Variants in ERG observed in about 807,000 individuals in gnomAD.
ERG encodes the protein ETS transcription factor ERG.
In ERG, 9 loss-of-function variants were observed where a neutral mutation model predicts 55.3. That is an observed-to-expected ratio of 0.16 (90% CI 0.10 to 0.28). ERG has a LOEUF of 0.28. Among genes scored for constraint, ERG ranks in the 10% least tolerant of loss-of-function variants. The pLI is 1.00. For missense variants in ERG, 434 were observed against 631.6 expected (o/e 0.69, Z 3.35); for synonymous variants, 223 against 237.3 (o/e 0.94, Z 0.55).
At chr21:38,504,819 A>G (rs1913512690) in intron 2 of ERG, among the ~76,000 whole-genome samples, 1 of 152,226 alleles carries the variant, frequency 6.6e-6, no homozygotes, top group African/African-American at 2.4e-5. Flanking sequence ...TTTTGATTCT[A>G]GTCAGAGTTT....
At chr21:38,414,466 C>T (rs1187598656) in intron 3 of ERG, among the ~76,000 whole-genome samples, 1 of 152,190 alleles carries the variant, frequency 6.6e-6, no homozygotes, top group Non-Finnish European at 1.5e-5. Context: ...TATCTTGAGT[C>T]CCCAGGGCAC....
intron 1 of ERG, among the ~76,000 whole-genome samples, chr21:38,613,325 CAT>C (rs1195678870): frequency 6.6e-6 from 1 of 152,196 alleles, no homozygotes; most frequent in Non-Finnish European, 1.5e-5. Context: ...CTACAGTTGA[CAT>C]GTGTCTTCTA....
intron 9 of ERG, among the ~76,000 whole-genome samples, chr21:38,387,739 G>A (rs1314586338): frequency 6.6e-6 from 1 of 152,328 alleles, no homozygotes; most frequent in Non-Finnish European, 1.5e-5. Context: ...AGCTTGAAAC[G>A]GTGCTATTCT....
At chr21:38,436,899 C>CTT (rs11421601) in intron 2 of ERG, among the ~76,000 whole-genome samples, 2,803 of 142,348 alleles carry the variant, frequency 0.02, 86 homozygotes, top group African/African-American at 0.064. Flanking sequence ...TTCTTTCTCT[C>CTT]TTTTTTTTTT....
upstream of ERG, chr21:38,498,589 G>T: frequency 9.9e-7 from 1 of 1,009,448 alleles, no homozygotes; most frequent in Non-Finnish European, 1.3e-6. The surrounding 1 kb of genome is among the most constrained non-coding windows in gnomAD (Gnocchi z 4.6). Context: ...AGAGATAAGA[G>T]ACCCTGAAAA....
At position 38,390,672 on chromosome 21, in the gene ERG, C is replaced by A. The variant is rs796133421; in HGVS notation, c.919+323G>T. 2.6e-5 allele frequency among the ~76,000 whole-genome samples: 4 copies of A among 152,194 alleles called. No homozygotes were observed. In the South Asian group the frequency reaches 8.3e-4, roughly 32 times the overall value. Reference sequence around the variant, plus strand: ...CCTGAGAAGGAACGAAACCTGCCACCATGACACTCTGATTTCAGACTTCCA... The same window carrying A: ...CCTGAGAAGGAACGAAACCTGCCACAATGACACTCTGATTTCAGACTTCCA... On this transcript the variant is annotated intron_variant, in intron 9 of 9. Coordinates refer to ENST00000288319, the MANE Select transcript of ERG (RefSeq NM_182918.4).
intron 6 of ERG, 69 bp from the exon 7 acceptor site, chr21:38,392,513 A>G (rs759802854): frequency 6.6e-5 from 77 of 1,174,910 alleles, no homozygotes; most frequent in Non-Finnish European, 8.4e-5. Context: ...TTGGTTTTTT[A>G]TTTGATTTTG....
chr21:38,579,097 A>G (rs1292505273), intron 1 of ERG, among the ~76,000 whole-genome samples: 1 of 152,162 alleles, frequency 6.6e-6, no homozygotes, highest in Non-Finnish European at 1.5e-5. Flanking sequence ...TGGGATTCCC[A>G]GAGCCCTTCC....
intron 3 of ERG, among the ~76,000 whole-genome samples, 162 bp downstream of exon 3, chr21:38,423,248 G>A (rs181111781): frequency 6.6e-5 from 10 of 152,240 alleles, no homozygotes; most frequent in Admixed American, 6.5e-4. Flanking sequence ...CCGTGAACAT[G>A]TCCTCATGCA....
chr21:38,468,142 A>G (rs527473878), intron 1 of ERG, among the ~76,000 whole-genome samples: 15 of 152,258 alleles, frequency 9.9e-5, no homozygotes, highest in Non-Finnish European at 1.9e-4. Context: ...GAGCCAGAGA[A>G]AGCCCTTAGG....
intron 1 of ERG, among the ~76,000 whole-genome samples, chr21:38,494,287 C>T (rs922771052): frequency 6.6e-6 from 1 of 152,224 alleles, no homozygotes; most frequent in African/African-American, 2.4e-5. Context: ...CGCCAGAGCA[C>T]AGTGTGCTAC....
At chr21:38,390,804 A>G (rs892544990) in intron 9 of ERG, among the ~76,000 whole-genome samples, 191 bp downstream of exon 9, 5 of 152,222 alleles carry the variant, frequency 3.3e-5, no homozygotes, top group African/African-American at 9.6e-5. Flanking sequence ...TTAGGTTATA[A>G]TGTTCTTTGC....
intron 2 of ERG, among the ~76,000 whole-genome samples, chr21:38,523,211 G>A (rs966915072): frequency 2.0e-5 from 3 of 152,124 alleles, no homozygotes; most frequent in East Asian, 1.9e-4. Context: ...TAAAAATAAC[G>A]TGGGTTAATG....
intron 1 of ERG, among the ~76,000 whole-genome samples, chr21:38,636,750 C>T (rs1349768759): frequency 1.3e-5 from 2 of 152,192 alleles, no homozygotes; most frequent in Non-Finnish European, 2.9e-5. Flanking sequence ...CCCAACCCTG[C>T]GGCCCACAGC....
chr21:38,649,270 G>T (rs545015874), intron 1 of ERG, among the ~76,000 whole-genome samples: 8 of 152,126 alleles, frequency 5.3e-5, no homozygotes, highest in Admixed American at 5.2e-4. Context: ...CCCCTGTGGC[G>T]CTGCAGCTGA....
chr21:38,544,351 G>A (rs575951902), intron 2 of ERG, among the ~76,000 whole-genome samples: 8 of 152,264 alleles, frequency 5.3e-5, no homozygotes, highest in South Asian at 4.1e-4. Flanking sequence ...CAGTCATCCC[G>A]GCTCCCTGTG....
upstream of ERG, among the ~76,000 whole-genome samples, chr21:38,585,854 A>G (rs2060060846): frequency 6.6e-6 from 1 of 151,852 alleles, no homozygotes; most frequent in Non-Finnish European, 1.5e-5. Context: ...CAGATGTCAC[A>G]GAAAAGCATT....
intron 1 of ERG, among the ~76,000 whole-genome samples, chr21:38,468,851 G>A (rs1040390824): frequency 6.6e-6 from 1 of 151,862 alleles, no homozygotes; most frequent in African/African-American, 2.4e-5. Flanking sequence ...CGGGCGTGGT[G>A]GTGGGCGCCT....
At chr21:38,471,433 T>C (rs1296581825) in intron 1 of ERG, 4 of 152,240 alleles carry the variant, frequency 2.6e-5, no homozygotes, top group Non-Finnish European at 5.9e-5. Flanking sequence ...AGAGCAACAC[T>C]TACGGAGCTC....
Sources: gnomAD v4.1 joint callset for allele counts (sites outside exome capture counted in the v4.1 genomes callset) on GRCh38, gnomAD v4.1.1 for gene constraint, Gnocchi (gnomAD v3.1) non-coding constraint, MANE v1.5 for transcripts, NCBI Gene and HGNC (gene_info 2026-07-23, HGNC 2026-07-21) for gene names.